The following KIF26B variants were observed in gnomAD, a reference collection of about 807,000 sequenced individuals.
The protein encoded by KIF26B is kinesin family member 26B.
In KIF26B, 63 loss-of-function variants were observed where a neutral mutation model predicts 151.2. The ratio of observed to expected loss-of-function variants is 0.42; its 90% CI spans 0.34 to 0.51. KIF26B has a LOEUF of 0.51. Ranked by LOEUF, KIF26B falls within the 20% of genes least tolerant of loss-of-function variation. The pLI is 0.07. For missense variants in KIF26B, 2,813 were observed against 2,913.6 expected, an observed-to-expected ratio of 0.97 and a Z score of 0.79; for synonymous variants, 1,357 against 1,262.1, an observed-to-expected ratio of 1.08 and a Z score of -1.59.
intron 10 of KIF26B, among the ~76,000 whole-genome samples, chr1:245,648,972 G>A (rs1371695362): frequency 6.6e-6 from 1 of 152,164 alleles, no homozygotes; most frequent in Non-Finnish European, 1.5e-5. Context: ...GCCCTGCCCT[G>A]CCTAACACAA....
intron 4 of KIF26B, among the ~76,000 whole-genome samples, chr1:245,476,252 G>A (rs1358488391): frequency 6.6e-6 from 1 of 151,782 alleles, no homozygotes; most frequent in East Asian, 1.9e-4. Context: ...AGAACTGGGG[G>A]TGTTGAGTGA....
chr1:245,494,084 A>G (rs978745766), intron 4 of KIF26B, among the ~76,000 whole-genome samples: 4 of 152,110 alleles, frequency 2.6e-5, no homozygotes, highest in African/African-American at 9.7e-5. Flanking sequence ...TGGGTGGATC[A>G]CCTGAGGTCA....
At chr1:245,464,476 G>T (rs1164746002) in intron 4 of KIF26B, among the ~76,000 whole-genome samples, 2 of 145,950 alleles carry the variant, frequency 1.4e-5, no homozygotes, top group Non-Finnish European at 3.0e-5. Flanking sequence ...CGCGTGTGGG[G>T]GTGTGTGCCC....
intron 5 of KIF26B, among the ~76,000 whole-genome samples, chr1:245,589,300 A>T (rs2043260976): frequency 6.6e-6 from 1 of 152,152 alleles, no homozygotes; most frequent in Non-Finnish European, 1.5e-5. Context: ...CACCTTCCGC[A>T]GTGGGCCTGG....
intron 5 of KIF26B, among the ~76,000 whole-genome samples, chr1:245,599,795 G>C (rs1355340964): frequency 6.6e-6 from 1 of 152,100 alleles, no homozygotes; most frequent in Admixed American, 6.5e-5. Context: ...GGAATGAGTG[G>C]AACTGAAATC....
At chr1:245,542,657 C>G (rs1245796365) in intron 5 of KIF26B, among the ~76,000 whole-genome samples, 1 of 152,232 alleles carries the variant, frequency 6.6e-6, no homozygotes, top group Non-Finnish European at 1.5e-5. Flanking sequence ...CGGGTGTGAT[C>G]GTGGATGGTT....
At chr1:245,457,630 G>C (rs1285815724) in intron 4 of KIF26B, among the ~76,000 whole-genome samples, 1 of 152,054 alleles carries the variant, frequency 6.6e-6, no homozygotes, top group East Asian at 1.9e-4. Flanking sequence ...TTTGAATATG[G>C]TGCTTATCAT....
At chr1:245,380,256 C>T (rs1275765387) in intron 3 of KIF26B, among the ~76,000 whole-genome samples, 3 of 152,296 alleles carry the variant, frequency 2.0e-5, no homozygotes, top group Non-Finnish European at 4.4e-5. Flanking sequence ...TAACATATCC[C>T]TCCATTGCTC....
At position 245,431,025 on chromosome 1, in the gene KIF26B, T is replaced by G. The variant is rs564145888; in HGVS notation, c.1166+11280T>G. Among the ~76,000 whole-genome samples the G allele has an allele frequency of 2.6e-5, 4 of 152,362 alleles. No individual in the cohort carries two copies. The South Asian group carries it at 8.3e-4, about 32-fold the overall frequency. On this transcript the variant is annotated intron_variant, in intron 4 of 14. Transcript: ENST00000407071. ...TTGTTGAATAACTCAATGATGGTCT[T>G]AGCCACCATGCTCTCCTGCCTCCAA...
intron 2 of KIF26B, among the ~76,000 whole-genome samples, chr1:245,258,388 G>T (rs1229928487): frequency 6.6e-6 from 1 of 152,108 alleles, no homozygotes; most frequent in Non-Finnish European, 1.5e-5. Flanking sequence ...GGAGGCCTGG[G>T]TGCCCTGGGG....
intron 3 of KIF26B, among the ~76,000 whole-genome samples, chr1:245,401,817 C>T (rs1558151641): frequency 6.6e-6 from 1 of 152,120 alleles, no homozygotes; most frequent in Non-Finnish European, 1.5e-5. Context: ...TTGCAGTGAG[C>T]CTAGATAGAG....
intron 4 of KIF26B, among the ~76,000 whole-genome samples, chr1:245,490,083 T>G (rs1660371048): frequency 6.6e-6 from 1 of 152,174 alleles, no homozygotes; most frequent in Non-Finnish European, 1.5e-5. Context: ...TTTGTTCGAC[T>G]CCTCAGAGCA....
rs376944873 is a variant in KIF26B at position 245,687,926 on chromosome 1, C to CCAG, written c.4955_4957dup (p.Ser1652dup). On this transcript the variant is annotated inframe_insertion, in exon 12 of 15. Coordinates refer to ENST00000407071, the MANE Select transcript of KIF26B (RefSeq NM_018012.4). This position sits in a 1 kb window ranked among gnomAD's most constrained non-coding sequence, Gnocchi z 4.9. ...GAGCCTAGCGGCAAGACGAAGGACG[C>CCAG]CAGCAGCAGCAGCAAGCTCTTCAGT... 24 of 1,593,910 alleles carry CCAG rather than the reference C, an allele frequency of 1.5e-5. No individual in the cohort carries two copies. Among genetic ancestry groups the CCAG allele is most frequent in the East Asian group, 1.4e-4 (6 of 43,694 alleles).
At chr1:245,625,839 TTCTCC>T (rs1393949355) in intron 9 of KIF26B, among the ~76,000 whole-genome samples, 1 of 140,656 alleles carries the variant, frequency 7.1e-6, no homozygotes, top group Non-Finnish European at 1.6e-5. Flanking sequence ...GTATCTACCA[TTCTCC>T]TCTCTACCTG....
At chr1:245,176,226 T>C (rs1172263880) in intron 2 of KIF26B, among the ~76,000 whole-genome samples, 1 of 152,106 alleles carries the variant, frequency 6.6e-6, no homozygotes, top group Non-Finnish European at 1.5e-5. Context: ...CTTGAACTTC[T>C]GATCTCAGGT....
chr1:245,534,119 T>G (rs1451694831), intron 4 of KIF26B, among the ~76,000 whole-genome samples: 1 of 151,874 alleles, frequency 6.6e-6, no homozygotes, highest in African/African-American at 2.4e-5. Flanking sequence ...GACAGGCTAC[T>G]GCTCTTCTCC....
chr1:245,304,688 T>TCC (rs1671503002), intron 2 of KIF26B, among the ~76,000 whole-genome samples: 1 of 150,274 alleles, frequency 6.7e-6, no homozygotes, highest in Non-Finnish European at 1.5e-5. Context: ...CATCCATCCA[T>TCC]ACGTCCATCC....
intron 2 of KIF26B, among the ~76,000 whole-genome samples, chr1:245,200,085 A>G (rs1192471441): frequency 1.3e-5 from 2 of 152,200 alleles, no homozygotes; most frequent in African/African-American, 4.8e-5. Flanking sequence ...TCTAACACCC[A>G]CAAGGAATGC....
chr1:245,176,995 G>A (rs1046361304), intron 2 of KIF26B, among the ~76,000 whole-genome samples: 5 of 152,032 alleles, frequency 3.3e-5, no homozygotes, highest in Admixed American at 2.6e-4. Flanking sequence ...TCGTTCTGTC[G>A]CCTCGACTGG....
Sources: gnomAD v4.1 joint callset for allele counts (sites outside exome capture counted in the v4.1 genomes callset) on GRCh38, gnomAD v4.1.1 for gene constraint, Gnocchi (gnomAD v3.1) non-coding constraint, MANE v1.5 for transcripts, NCBI Gene and HGNC (gene_info 2026-07-23, HGNC 2026-07-21) for gene names.